The following IPPK variants were observed in gnomAD, a reference collection of about 807,000 sequenced individuals.
The protein encoded by IPPK is IPK1 homolog.
A neutral mutation model predicts 64.6 loss-of-function variants in IPPK; 22 were observed. The ratio of observed to expected loss-of-function variants is 0.34; its 90% CI spans 0.24 to 0.49. The LOEUF (loss-of-function observed/expected upper bound fraction) is 0.49. Ranked by LOEUF, IPPK falls within the 20% of genes least tolerant of loss-of-function variation. The pLI is 0.99. For missense variants in IPPK, 532 were observed against 630.7 expected (o/e 0.84, Z 1.68); for synonymous variants, 262 against 247.2 (o/e 1.06, Z -0.56).
chr9:92,657,009 C>G (rs1038031244), intron 2 of IPPK, among the ~76,000 whole-genome samples: 3 of 152,128 alleles, frequency 2.0e-5, no homozygotes, highest in Non-Finnish European at 4.4e-5. Flanking sequence ...AGAAATCACC[C>G]CCATGTCCCT....
chr9:92,622,903 TGAC>T (rs1587619377), intron 11 of IPPK, among the ~76,000 whole-genome samples: 1 of 152,196 alleles, frequency 6.6e-6, no homozygotes, highest in Non-Finnish European at 1.5e-5. Context: ...ACAATTTCTG[TGAC>T]GACAGGATAA....
intron 11 of IPPK, among the ~76,000 whole-genome samples, chr9:92,631,124 G>T (rs1054172761): frequency 2.0e-5 from 3 of 152,024 alleles, no homozygotes; most frequent in Non-Finnish European, 4.4e-5. Flanking sequence ...AGAGTTATTG[G>T]GGGCTTCAGT....
intron 11 of IPPK, among the ~76,000 whole-genome samples, chr9:92,633,031 G>A (rs1368097444): frequency 6.7e-6 from 1 of 149,830 alleles, no homozygotes; most frequent in Non-Finnish European, 1.5e-5. Flanking sequence ...TTTTTTATGA[G>A]ATGGAGTCTC....
chr9:92,669,663 C>A (rs1157407819), intron 1 of IPPK, among the ~76,000 whole-genome samples: 1 of 151,266 alleles, frequency 6.6e-6, no homozygotes. Flanking sequence ...GACGACAGAC[C>A]GGCCAGGAGA....
rs1852377006 is a variant in IPPK, at chr9:92,656,540, C to G, written c.141G>C (p.Glu47Asp). ...FPPNRKKTSE[E>D]IFQHLQNIVD... is the part of the protein sequence containing the mutation. ...CTATGTTCTGCAGGTGTTGAAATAT[C>G]TCTTCCGAGGTCTGTAAGAGACAAC... Residue 47 changes from glutamate to aspartate, a missense_variant, in exon 3 of 13, where the codon GAG becomes GAC. Physicochemically the swap from Glu to Asp is conservative, Grantham distance 45 (BLOSUM62 2). Transcript: ENST00000287996. The G allele has an allele frequency of 6.2e-7, 1 of 1,611,854 alleles. No homozygotes were observed. The highest frequency in any genetic ancestry group is 8.5e-7 in the Non-Finnish European group (1 of 1,177,908).
chr9:92,623,433 C>CA (rs538116710), intron 11 of IPPK, among the ~76,000 whole-genome samples: 1,092 of 71,646 alleles, frequency 0.015, 9 homozygotes, highest in African/African-American at 0.031. Flanking sequence ...GACTCCGTCT[C>CA]AAAAAAAAAA....
Position 92,640,606 on chromosome 9 carries a change from G to A in IPPK, c.636+104C>T, listed in dbSNP as rs1852028115. 3 of 803,498 alleles carry A rather than the reference G, an allele frequency of 3.7e-6. No homozygotes were observed. In the South Asian group the frequency reaches 4.2e-5, roughly 11 times the overall value. The allele number at this position is 803,498 out of a possible 1,614,324, so 49.8% of individuals were successfully genotyped here. A position where few individuals can be genotyped will look rare whatever the true frequency, so the allele number is the denominator to read the frequency against. On this transcript the variant is annotated intron_variant, in intron 8 of 12. Coordinates refer to ENST00000287996, the MANE Select transcript of IPPK (RefSeq NM_022755.6). ...CATGAGGACCCCAAAGGGGATGTCA[G>A]ACACACATGACGTGCAGCCCAGCCC...
intron 8 of IPPK, among the ~76,000 whole-genome samples, chr9:92,640,059 T>C (rs72756416): frequency 2.6e-5 from 4 of 152,206 alleles, no homozygotes; most frequent in African/African-American, 7.2e-5. Context: ...TCCTCTGAAG[T>C]ATCCACCTGC....
At chr9:92,644,696 C>T (rs1293426178) in intron 6 of IPPK, among the ~76,000 whole-genome samples, 1 of 152,164 alleles carries the variant, frequency 6.6e-6, no homozygotes, top group Non-Finnish European at 1.5e-5. Flanking sequence ...TTATTGGCCA[C>T]ATATGACAAA....
intron 1 of IPPK, among the ~76,000 whole-genome samples, chr9:92,666,589 C>G (rs1156242507): frequency 6.6e-6 from 1 of 152,178 alleles, no homozygotes; most frequent in East Asian, 1.9e-4. Context: ...CCGAGAGCCT[C>G]TCAAGCATGC....
At chr9:92,619,692 G>T in intron 11 of IPPK, 127 bp from the exon 12 acceptor site, 1 of 854,392 alleles carries the variant, frequency 1.2e-6, no homozygotes, top group South Asian at 1.5e-5. Context: ...GGGATTAGGA[G>T]CGAGGGCCAC....
intron 12 of IPPK, chr9:92,619,071 T>C (rs1851538891): frequency 4.4e-6 from 1 of 225,180 alleles, no homozygotes; most frequent in Admixed American, 5.1e-5. Context: ...GGCTTTCAAA[T>C]GACTGTGGTG....
chr9:92,634,968 C>CAAA (rs1851911564), intron 10 of IPPK, among the ~76,000 whole-genome samples, 190 bp downstream of exon 10: 1 of 152,208 alleles, frequency 6.6e-6, no homozygotes, highest in Admixed American at 6.5e-5. Context: ...AACAAGTGAC[C>CAAA]CTGTTCCTCC....
At chr9:92,647,557 AC>A (rs1852172340) in intron 6 of IPPK, among the ~76,000 whole-genome samples, 2 of 152,128 alleles carry the variant, frequency 1.3e-5, no homozygotes, top group Non-Finnish European at 2.9e-5. Flanking sequence ...ACCATGAGCA[AC>A]TGGGATTTAT....
chr9:92,661,960 A>G (rs1852493431), intron 1 of IPPK, among the ~76,000 whole-genome samples: 1 of 152,202 alleles, frequency 6.6e-6, no homozygotes, highest in African/African-American at 2.4e-5. Flanking sequence ...GAAACAGGTG[A>G]AAAAACACTG....
chr9:92,664,625 G>T (rs1322244396), intron 1 of IPPK, among the ~76,000 whole-genome samples: 1 of 152,200 alleles, frequency 6.6e-6, no homozygotes, highest in African/African-American at 2.4e-5. Flanking sequence ...TATAGGCATG[G>T]AAAGCCTCAC....
At chr9:92,668,062 G>A (rs973297040) in intron 1 of IPPK, among the ~76,000 whole-genome samples, 2 of 152,158 alleles carry the variant, frequency 1.3e-5, no homozygotes, top group African/African-American at 2.4e-5. Context: ...GAGGTTAGGA[G>A]TTGGAGACCA....
chr9:92,624,017 A>C (rs1300623611), intron 11 of IPPK, among the ~76,000 whole-genome samples: 1 of 152,212 alleles, frequency 6.6e-6, no homozygotes, highest in East Asian at 1.9e-4. Context: ...GTTCTTGGGA[A>C]ACTGTGACTT....
intron 11 of IPPK, among the ~76,000 whole-genome samples, chr9:92,629,333 T>C (rs1330405017): frequency 1.3e-5 from 2 of 152,184 alleles, no homozygotes; most frequent in Non-Finnish European, 2.9e-5. Flanking sequence ...GCATCTAAGA[T>C]ATTACCAAGA....
Sources: gnomAD v4.1 joint callset for allele counts (sites outside exome capture counted in the v4.1 genomes callset) on GRCh38, gnomAD v4.1.1 for gene constraint, MANE v1.5 for transcripts, NCBI Gene and HGNC (gene_info 2026-07-23, HGNC 2026-07-21) for gene names.